MPHOSPH9: variants seen among roughly 807,000 people sequenced by gnomAD.
MPHOSPH9 encodes the protein M-phase phosphoprotein 9.
In MPHOSPH9, 88 loss-of-function variants were observed where a neutral mutation model predicts 145.5. The observed-to-expected ratio is 0.60, with a 90% CI of 0.51 to 0.72. The LOEUF (loss-of-function observed/expected upper bound fraction) is 0.72, where lower values mean the gene tolerates loss of function less well. Ranked by LOEUF, MPHOSPH9 falls within the 30% of genes least tolerant of loss-of-function variation. MPHOSPH9 has a pLI of 0.00. For synonymous variants in MPHOSPH9, 435 were observed against 486.2 expected, an observed-to-expected ratio of 0.89 and a Z score of 1.39; for missense variants, 1,238 against 1,386.6, an observed-to-expected ratio of 0.89 and a Z score of 1.70.
Position 123,194,502 on chromosome 12 carries a change from T to C in MPHOSPH9, c.2125A>G (p.Thr709Ala). 3 of 1,612,740 alleles carry C rather than the reference T, an allele frequency of 1.9e-6. No homozygotes were observed. Among genetic ancestry groups the C allele is most frequent in the Non-Finnish European group, 1.7e-6 (2 of 1,179,536 alleles). The change falls in exon 13 of 24, where the codon ACC becomes GCC. Residue 709 changes from threonine (T) to alanine (A), a missense_variant. Thr to Ala is a moderately conservative substitution (Grantham distance 58). Coordinates refer to ENST00000606320, the MANE Select transcript of MPHOSPH9 (RefSeq NM_022782.4). The stretch of plus-strand genomic sequence containing the variant: ...AGTCTAGATTTTAGTCGAATGATGG[T>C]ATTGTCTTTTTCTTTACTGCTTGTT... ...MRTSSKEKDN[T>A]IIRLKSRLQD... is the part of the protein sequence containing the mutation.
intron 16 of MPHOSPH9, 59 bp downstream of exon 16, chr12:123,176,629 G>A (rs775578808): frequency 8.9e-5 from 113 of 1,273,698 alleles, no homozygotes; most frequent in Middle Eastern, 3.8e-4. Flanking sequence ...TGAGTTTCTC[G>A]TCTTAATAAA....
At chr12:123,166,483 T>C in intron 17 of MPHOSPH9, 172 bp downstream of exon 17, 1 of 763,908 alleles carries the variant, frequency 1.3e-6, no homozygotes, top group East Asian at 2.5e-5. Context: ...GCAGAGCTCA[T>C]GGAAGTAAAA....
intron 20 of MPHOSPH9, 97 bp downstream of exon 20, chr12:123,162,917 G>T: frequency 8.2e-7 from 1 of 1,216,280 alleles, no homozygotes; most frequent in Non-Finnish European, 1.1e-6. Context: ...GTTCCCACTG[G>T]TAACTGAAAA....
intron 11 of MPHOSPH9, among the ~76,000 whole-genome samples, chr12:123,200,855 C>G (rs900197640): frequency 6.6e-6 from 1 of 151,884 alleles, no homozygotes; most frequent in Non-Finnish European, 1.5e-5. Context: ...GACAGAGTTT[C>G]AATATGTTGT....
At chr12:123,198,707 G>A (rs1324066918) in intron 11 of MPHOSPH9, among the ~76,000 whole-genome samples, 6 of 150,778 alleles carry the variant, frequency 4.0e-5, no homozygotes, top group South Asian at 2.1e-4. Flanking sequence ...CTACTCAGGA[G>A]GCTGAGGTGG....
At chr12:123,230,757 TGC>T (rs1324570541) in intron 1 of MPHOSPH9, among the ~76,000 whole-genome samples, 1 of 152,086 alleles carries the variant, frequency 6.6e-6, no homozygotes, top group Non-Finnish European at 1.5e-5. Flanking sequence ...AAAAGACACA[TGC>T]TACAACATAC....
At chr12:123,227,129 T>C (rs992981757) in intron 3 of MPHOSPH9, among the ~76,000 whole-genome samples, 5 of 152,334 alleles carry the variant, frequency 3.3e-5, no homozygotes, top group African/African-American at 1.2e-4. Context: ...TTCAAAATGA[T>C]GACAATTCCA....
intron 16 of MPHOSPH9, 74 bp downstream of exon 16, chr12:123,176,614 A>C (rs2044876443): frequency 9.0e-7 from 1 of 1,108,302 alleles, no homozygotes; most frequent in Non-Finnish European, 1.3e-6. Flanking sequence ...TATGATTTAG[A>C]CAGATGAGTT....
chr12:123,218,227 C>T lies in MPHOSPH9; in HGVS notation c.996+149G>A, dbSNP rs888165023. On this transcript the variant is annotated intron_variant, in intron 6 of 23. Coordinates refer to ENST00000606320, the MANE Select transcript of MPHOSPH9 (RefSeq NM_022782.4). The stretch of plus-strand genomic sequence containing the variant: ...AGTCTGGGCCATAAGAGCGAAACTC[C>T]GTCTCAAAAAAACAACAACAAAAAA... 3.6e-5 allele frequency: 40 copies of T among 1,098,218 alleles called. No homozygotes were observed. The African/African-American group carries it at 5.2e-4, about 14-fold the overall frequency. 68.0% of individuals were successfully genotyped at this position (1,098,218 alleles called of 1,614,324 possible).
intron 2 of MPHOSPH9, 129 bp from the exon 3 acceptor site, chr12:123,227,745 G>T: frequency 2.7e-6 from 2 of 736,666 alleles, no homozygotes; most frequent in East Asian, 3.2e-5. Context: ...CACCTCATTT[G>T]TTCAAAATCT....
chr12:123,203,444 C>A, intron 8 of MPHOSPH9, 69 bp from the exon 9 acceptor site: 1 of 1,371,516 alleles, frequency 7.3e-7, no homozygotes, highest in Non-Finnish European at 9.9e-7. Context: ...TCAAAATAAG[C>A]ACCATAAAAA....
At chr12:123,171,180 A>G (rs896224935) in intron 16 of MPHOSPH9, among the ~76,000 whole-genome samples, 51 of 152,334 alleles carry the variant, frequency 3.3e-4, no homozygotes, top group African/African-American at 1.2e-3. Context: ...GGGGCCAGGT[A>G]CAGTGGCTCA....
At chr12:123,233,181 C>T (rs2047749605), upstream of MPHOSPH9, 2 of 152,124 alleles carry the variant, frequency 1.3e-5, no homozygotes. Context: ...GATTGGCTGC[C>T]CGGAAGGAGG....
intron 16 of MPHOSPH9, among the ~76,000 whole-genome samples, chr12:123,168,402 C>G (rs1054799285): frequency 6.8e-6 from 1 of 147,504 alleles, no homozygotes; most frequent in African/African-American, 2.5e-5. Context: ...AGTACGGTGG[C>G]GTGATCTCGG....
At chr12:123,160,941 T>C (rs1323524896) in intron 22 of MPHOSPH9, 92 bp from the exon 23 acceptor site, 9 of 1,420,064 alleles carry the variant, frequency 6.3e-6, no homozygotes, top group African/African-American at 1.4e-5. Flanking sequence ...AGTATTTCCT[T>C]GTCCATTTCA....
chr12:123,212,131 G>A (rs2046750655), intron 7 of MPHOSPH9, among the ~76,000 whole-genome samples: 1 of 152,170 alleles, frequency 6.6e-6, no homozygotes. Flanking sequence ...CAGTATATAG[G>A]TGGTAAGCAC....
intron 16 of MPHOSPH9, 147 bp from the exon 17 acceptor site, chr12:123,166,936 C>T: frequency 1.1e-6 from 1 of 875,892 alleles, no homozygotes; most frequent in South Asian, 2.1e-5. Context: ...ATTTTGGATA[C>T]AATTTATTTT....
intron 13 of MPHOSPH9, 58 bp from the exon 14 acceptor site, chr12:123,181,268 G>C: frequency 6.8e-7 from 1 of 1,471,540 alleles, no homozygotes; most frequent in Admixed American, 1.7e-5. Flanking sequence ...TCTATCAACT[G>C]AGGTACAGTC....
At chr12:123,201,614 A>G (rs1410913271) in intron 11 of MPHOSPH9, among the ~76,000 whole-genome samples, 1 of 151,974 alleles carries the variant, frequency 6.6e-6, no homozygotes, top group Non-Finnish European at 1.5e-5. Context: ...TCCTGAGCTC[A>G]AGAGATCTGC....
Sources: allele counts gnomAD v4.1 joint callset (sites outside exome capture counted in the v4.1 genomes callset), GRCh38; gene constraint gnomAD v4.1.1; transcripts MANE v1.5; gene names NCBI Gene and HGNC (gene_info 2026-07-23, HGNC 2026-07-21).